The following EVC variants were observed in gnomAD, a reference collection of about 807,000 sequenced individuals.
EVC encodes evC complex member EVC.
EVC carries 116 observed loss-of-function variants against 118.9 expected under a neutral mutation model. The ratio of observed to expected loss-of-function variants is 0.98; its 90% CI spans 0.84 to 1.14. EVC has a LOEUF of 1.14. Among genes scored for constraint, EVC ranks in the 50% most tolerant of loss-of-function variants. The probability of loss-of-function intolerance (pLI) is 0.00; values close to 1 mark genes in which losing one functional copy is unlikely to be tolerated. For synonymous variants in EVC, 619 were observed against 534.7 expected, an observed-to-expected ratio of 1.16 and a Z score of -2.18; for missense variants, 1,401 against 1,246.4, an observed-to-expected ratio of 1.12 and a Z score of -1.87.
chr4:5,716,325 G>A (rs1456853040), intron 1 of EVC, among the ~76,000 whole-genome samples: 1 of 152,242 alleles, frequency 6.6e-6, no homozygotes, highest in Non-Finnish European at 1.5e-5. Context: ...AAAAGGGCCA[G>A]ACATCTTGAA....
At chr4:5,781,640 C>T (rs1289767410) in intron 11 of EVC, among the ~76,000 whole-genome samples, 1 of 152,044 alleles carries the variant, frequency 6.6e-6, no homozygotes, top group Non-Finnish European at 1.5e-5. Context: ...AGTTCGAGAG[C>T]AGCTTGAGCA....
chr4:5,730,698 C>T lies in EVC; in HGVS notation c.385-727C>T, dbSNP rs150901918. 9.7e-3 allele frequency among the ~76,000 whole-genome samples: 1,477 copies of T among 151,862 alleles called. 18 individuals are homozygous for T. Among genetic ancestry groups the T allele is most frequent in the South Asian group, 0.03 (145 of 4,782 alleles). ...GAGCCAGTATGGGGTCCAGGATCCA[C>T]GCCTGGAGGAAGGGACGCTTCTGCC... On this transcript the variant is annotated intron_variant, in intron 3 of 20. Transcript: ENST00000264956.
At position 5,748,139 on chromosome 4, in the gene EVC, A is replaced by G. The variant is rs1241925243; in HGVS notation, c.940-9A>G. 6.2e-7 allele frequency: 1 copy of G among 1,614,186 alleles called. No homozygotes were observed. Among genetic ancestry groups the G allele is most frequent in the Non-Finnish European group, 8.5e-7 (1 of 1,180,038 alleles). The stretch of plus-strand genomic sequence containing the variant: ...ACCTCACTTCTTGCTGCTTGTGCTC[A>G]TTTCACAGATGGAAGCTTTCTGGAA... On this transcript the variant is annotated splice_polypyrimidine_tract_variant and intron_variant, in intron 7 of 20. Coordinates refer to ENST00000264956, the MANE Select transcript of EVC (RefSeq NM_153717.3).
rs904745073 is a variant in EVC at position 5,755,846 on chromosome 4, G to A, written c.1465-418G>A. Among the ~76,000 whole-genome samples the A allele has an allele frequency of 2.0e-5, 3 of 152,166 alleles. No individual in the cohort carries two copies. Among genetic ancestry groups the A allele is most frequent in the Admixed American group, 6.5e-5 (1 of 15,278 alleles). On this transcript the variant is annotated intron_variant, in intron 10 of 20. Transcript: ENST00000264956. This position sits in a 1 kb window ranked among gnomAD's most constrained non-coding sequence, Gnocchi z 4.1. ...GTCCTCAGGGAAGGGCCTCCACCCC[G>A]TGGTCACAGTGGGGCCTGGCTGGTT...
Position 5,756,220 on chromosome 4 carries a change from AC to A in EVC, c.1465-41del, listed in dbSNP as rs750112559. The A allele has an allele frequency of 3.5e-6, 5 of 1,443,182 alleles. No homozygotes were observed. Among genetic ancestry groups the A allele is most frequent in the African/African-American group, 2.8e-5 (2 of 70,356 alleles). 89.4% of individuals were successfully genotyped at this position (1,443,182 alleles called of 1,614,324 possible). ...GAACCTTCTGGAAAAAAAAAAAAAAACCCTGCATGTTTCTACCAGACTCAGC... is the reference window on the plus strand; with the variant it reads ...GAACCTTCTGGAAAAAAAAAAAAAAACCTGCATGTTTCTACCAGACTCAGC... On this transcript the variant is annotated intron_variant, in intron 10 of 20. Coordinates refer to ENST00000264956, the MANE Select transcript of EVC (RefSeq NM_153717.3). This position sits in a 1 kb window ranked among gnomAD's most constrained non-coding sequence, Gnocchi z 4.2.
chr4:5,801,633 T>G, intron 15 of EVC: 1 of 321,634 alleles, frequency 3.1e-6, no homozygotes, highest in East Asian at 7.0e-5. Context: ...TGGGCCGAGA[T>G]TGTGCTCCAG....
chr4:5,717,503 A>G (rs6824184), intron 1 of EVC, among the ~76,000 whole-genome samples: 126,360 of 152,108 alleles, frequency 0.83, 52,800 homozygotes, highest in African/African-American at 0.92. Context: ...TTTTTTCCTC[A>G]ATGTCTTTAC....
intron 11 of EVC, among the ~76,000 whole-genome samples, chr4:5,780,556 A>T (rs1735435898): frequency 6.6e-6 from 1 of 152,226 alleles, no homozygotes; most frequent in Admixed American, 6.5e-5. Flanking sequence ...TCAAATTAGT[A>T]ATTCTTAACA....
chr4:5,711,424 T>C lies in EVC; in HGVS notation c.44T>C (p.Leu15Pro), dbSNP rs1722990149. ...GCCTGCAAGAGCGACGCGCGGCTGC[T>C]GCTGGGGCGGGACGCGCTGCGGCCG... ...GAACKSDARLLLGRDALRPAP... is the reference protein window; with the variant it reads ...GAACKSDARLPLGRDALRPAP... Residue 15 changes from leucine (L) to proline (P), a missense_variant, in exon 1 of 21, where the codon CTG becomes CCG. By Grantham distance (98) the Leu-to-Pro change is moderately conservative. Transcript: ENST00000264956. 9.7e-7 allele frequency: 1 copy of C among 1,026,654 alleles called. No homozygotes were observed. The highest frequency in any genetic ancestry group is 9.5e-5 in the East Asian group (1 of 10,528). The allele number at this position is 1,026,654 out of a possible 1,614,324, so 63.6% of individuals were successfully genotyped here. A position where few individuals can be genotyped will look rare whatever the true frequency, so the allele number is the denominator to read the frequency against.
At chr4:5,726,310 G>T (rs1248733228) in intron 2 of EVC, among the ~76,000 whole-genome samples, 1 of 152,210 alleles carries the variant, frequency 6.6e-6, no homozygotes, top group Non-Finnish European at 1.5e-5. Flanking sequence ...CTTTGGGCTT[G>T]CCTGTCTGCT....
chr4:5,784,758 C>T (rs1019885906), intron 12 of EVC, among the ~76,000 whole-genome samples: 1 of 151,856 alleles, frequency 6.6e-6, no homozygotes, highest in African/African-American at 2.4e-5. Context: ...CAGGCACGTG[C>T]CACCACGCCT....
rs777624936 is a variant in EVC, at chr4:5,748,143, C to T, written c.940-5C>T. 1.9e-6 allele frequency: 3 copies of T among 1,614,198 alleles called. No individual in the cohort carries two copies. The highest frequency in any genetic ancestry group is 3.3e-5 in the Admixed American group (2 of 60,024). ...CACTTCTTGCTGCTTGTGCTCATTT[C>T]ACAGATGGAAGCTTTCTGGAAACAG... On this transcript the variant is annotated splice_region_variant and splice_polypyrimidine_tract_variant and intron_variant, in intron 7 of 20. Coordinates refer to ENST00000264956, the MANE Select transcript of EVC (RefSeq NM_153717.3).
intron 11 of EVC, among the ~76,000 whole-genome samples, chr4:5,760,877 C>T (rs752074723): frequency 6.6e-6 from 1 of 152,200 alleles, no homozygotes; most frequent in Non-Finnish European, 1.5e-5. Context: ...GTCAGCATGT[C>T]TCCCAGAATT....
intron 12 of EVC, among the ~76,000 whole-genome samples, chr4:5,788,283 G>T (rs1421703059): frequency 1.3e-5 from 2 of 152,162 alleles, no homozygotes; most frequent in African/African-American, 4.8e-5. Context: ...CTCTCACAAG[G>T]CCACATCCAA....
intron 11 of EVC, among the ~76,000 whole-genome samples, chr4:5,775,951 C>T (rs1734659466): frequency 1.3e-5 from 2 of 151,774 alleles, no homozygotes; most frequent in South Asian, 2.1e-4. Context: ...TTATTTAGGT[C>T]GTATTTAATT....
At chr4:5,767,790 C>T (rs1245846617) in intron 11 of EVC, among the ~76,000 whole-genome samples, 13 of 152,168 alleles carry the variant, frequency 8.5e-5, no homozygotes, top group Admixed American at 5.9e-4. Flanking sequence ...CACTGACCTG[C>T]GCCCACTGTC....
intron 14 of EVC, among the ~76,000 whole-genome samples, chr4:5,797,684 T>G (rs1714237790): frequency 6.6e-6 from 1 of 152,210 alleles, no homozygotes; most frequent in Admixed American, 6.5e-5. Context: ...GGGTCAGGGC[T>G]TCAACATACA....
intron 18 of EVC, among the ~76,000 whole-genome samples, chr4:5,808,804 T>G (rs935231717): frequency 2.0e-5 from 3 of 152,032 alleles, no homozygotes; most frequent in African/African-American, 7.3e-5. Context: ...GGTTATACAG[T>G]GAGATGTAAG....
rs1030449537 is a variant in EVC, at chr4:5,742,529, C to A, written c.801+715C>A. Among the ~76,000 whole-genome samples the A allele has an allele frequency of 5.9e-5, 9 of 152,216 alleles. No individual in the cohort carries two copies. Among genetic ancestry groups the A allele is most frequent in the Non-Finnish European group, 1.3e-4 (9 of 68,016 alleles). On this transcript the variant is annotated intron_variant, in intron 6 of 20. Transcript: ENST00000264956. This position sits in a 1 kb window ranked among gnomAD's most constrained non-coding sequence, Gnocchi z 5.2. ...GTCATTGTTGTCATCACCATAAACA[C>A]CATCATCTTTGCTATTGTCACCACT...
Sources: allele counts gnomAD v4.1 joint callset (sites outside exome capture counted in the v4.1 genomes callset), GRCh38; gene constraint gnomAD v4.1.1; non-coding constraint Gnocchi (gnomAD v3.1); transcripts MANE v1.5; gene names NCBI Gene and HGNC (gene_info 2026-07-23, HGNC 2026-07-21).